LRP1B: variants seen among roughly 807,000 people sequenced by gnomAD.
The protein encoded by LRP1B is LDL receptor related protein 1B.
LRP1B carries 217 observed loss-of-function variants against 556.6 expected under a neutral mutation model. The ratio of observed to expected loss-of-function variants is 0.39; its 90% CI spans 0.35 to 0.44. The LOEUF (loss-of-function observed/expected upper bound fraction) is 0.44. Among genes scored for constraint, LRP1B ranks in the 20% least tolerant of loss-of-function variants. The pLI, the probability that LRP1B is intolerant of heterozygous loss-of-function variation, is 1.00. For missense variants in LRP1B, 5,053 were observed against 5,620.8 expected (o/e 0.90, Z 3.23); for synonymous variants, 2,047 against 1,865.8 (o/e 1.10, Z -2.50).
chr2:141,949,711 T>C (rs1022864738), intron 1 of LRP1B, among the ~76,000 whole-genome samples: 1 of 152,104 alleles, frequency 6.6e-6, no homozygotes, highest in Admixed American at 6.6e-5. Context: ...TTAAAGAACA[T>C]CTCTTACATA....
chr2:140,393,999 C>T (rs1159567460), intron 66 of LRP1B, among the ~76,000 whole-genome samples: 3 of 152,116 alleles, frequency 2.0e-5, no homozygotes, highest in African/African-American at 7.2e-5. Flanking sequence ...AATAACTATA[C>T]ATGCTGTTTT....
chr2:140,748,773 AAT>A (rs1176077541), intron 35 of LRP1B, among the ~76,000 whole-genome samples: 1 of 40,846 alleles, frequency 2.4e-5, no homozygotes, highest in Non-Finnish European at 4.7e-5. Flanking sequence ...ACATGTATAT[AAT>A]ATGTATATAA....
chr2:140,680,359 C>T (rs575284750), intron 41 of LRP1B, among the ~76,000 whole-genome samples: 81 of 151,800 alleles, frequency 5.3e-4, no homozygotes, highest in African/African-American at 1.6e-3. Flanking sequence ...AATAAGCTCC[C>T]TTTTTTCCCA....
At chr2:141,578,738 C>T (rs1303215603) in intron 2 of LRP1B, among the ~76,000 whole-genome samples, 2 of 152,128 alleles carry the variant, frequency 1.3e-5, no homozygotes. Flanking sequence ...ACCAAGTGTA[C>T]GCTGCCTGAA....
At chr2:142,080,977 G>A (rs1302187207) in intron 1 of LRP1B, among the ~76,000 whole-genome samples, 2 of 152,158 alleles carry the variant, frequency 1.3e-5, no homozygotes, top group Non-Finnish European at 2.9e-5. Context: ...ATGGAAGAAA[G>A]AAGGATTGAT....
At chr2:140,516,334 CAT>C (rs1689896440) in intron 50 of LRP1B, among the ~76,000 whole-genome samples, 1 of 151,758 alleles carries the variant, frequency 6.6e-6, no homozygotes, top group Admixed American at 6.6e-5. Flanking sequence ...CAATAATTAA[CAT>C]AATATTTACA....
chr2:141,484,755 C>T (rs1683057036), intron 2 of LRP1B, among the ~76,000 whole-genome samples: 1 of 151,950 alleles, frequency 6.6e-6, no homozygotes. Context: ...CATGATTTGG[C>T]TCTCTGTTTG....
At chr2:141,007,321 G>A (rs964429741) in intron 14 of LRP1B, among the ~76,000 whole-genome samples, 7 of 151,670 alleles carry the variant, frequency 4.6e-5, no homozygotes, top group Non-Finnish European at 5.9e-5. Context: ...TTGAGTGCCC[G>A]TAGATCAGAA....
rs897739115 is a variant in LRP1B, at chr2:140,821,823, A to T, written c.5210-8017T>A. Among the ~76,000 whole-genome samples, 5 of 152,182 alleles carry T rather than the reference A, an allele frequency of 3.3e-5. No homozygotes were observed. In the East Asian group the frequency reaches 9.7e-4, roughly 30 times the overall value. On this transcript the variant is annotated intron_variant, in intron 31 of 90. Coordinates refer to ENST00000389484, the MANE Select transcript of LRP1B (RefSeq NM_018557.3). The stretch of plus-strand genomic sequence containing the variant: ...GCTGAGGCGGGTAGATCACGAGGTC[A>T]GGAGTTCAAGACCAGCCTGGCCAAT...
intron 7 of LRP1B, among the ~76,000 whole-genome samples, chr2:141,147,689 A>C (rs575908006): frequency 2.2e-4 from 34 of 152,312 alleles, no homozygotes; most frequent in African/African-American, 7.7e-4. Flanking sequence ...GCACATTTTT[A>C]TAGCCTGCTA....
chr2:141,188,375 T>A (rs1343073444), intron 7 of LRP1B, 46 bp downstream of exon 7: 1 of 1,573,088 alleles, frequency 6.4e-7, no homozygotes. Context: ...TCTTTTCTTT[T>A]TAAACGCAAA....
intron 21 of LRP1B, among the ~76,000 whole-genome samples, chr2:140,913,483 G>A (rs540965726): frequency 2.6e-5 from 4 of 151,972 alleles, no homozygotes; most frequent in South Asian, 2.1e-4. Flanking sequence ...AAAATTTTAC[G>A]TAAGGAAAAA....
intron 1 of LRP1B, among the ~76,000 whole-genome samples, chr2:141,922,211 T>C (rs867903451): frequency 6.6e-6 from 1 of 152,192 alleles, no homozygotes; most frequent in African/African-American, 2.4e-5. Context: ...AGATTTATTA[T>C]ATAACCTGGC....
intron 1 of LRP1B, among the ~76,000 whole-genome samples, chr2:142,065,408 T>G (rs1705075304): frequency 6.6e-6 from 1 of 151,096 alleles, no homozygotes; most frequent in Non-Finnish European, 1.5e-5. Flanking sequence ...AATGGCTAAT[T>G]GATGCCTTCC....
intron 3 of LRP1B, among the ~76,000 whole-genome samples, chr2:141,394,521 C>T (rs1161817460): frequency 6.6e-6 from 1 of 152,048 alleles, no homozygotes; most frequent in African/African-American, 2.4e-5. Flanking sequence ...GCATCCATTT[C>T]CCTTTGCATA....
intron 41 of LRP1B, among the ~76,000 whole-genome samples, chr2:140,690,354 C>A (rs1236529443): frequency 6.6e-6 from 1 of 151,864 alleles, no homozygotes; most frequent in African/African-American, 2.4e-5. Context: ...CCGGGTCTAA[C>A]CTCTTCTTCG....
chr2:141,893,030 T>C (rs1699338588), intron 1 of LRP1B, among the ~76,000 whole-genome samples: 1 of 152,226 alleles, frequency 6.6e-6, no homozygotes, highest in Non-Finnish European at 1.5e-5. Context: ...TTGAAAATAC[T>C]GTACTGGACA....
At chr2:140,956,551 T>C (rs555261942) in intron 18 of LRP1B, among the ~76,000 whole-genome samples, 24 of 151,506 alleles carry the variant, frequency 1.6e-4, no homozygotes, top group African/African-American at 5.8e-4. Flanking sequence ...AGAAAATACA[T>C]TACATTTCTA....
chr2:140,562,005 G>C (rs570472232), intron 43 of LRP1B, among the ~76,000 whole-genome samples: 42 of 152,028 alleles, frequency 2.8e-4, no homozygotes, highest in African/African-American at 1.0e-3. Context: ...AACAGATAAA[G>C]AAAAAGCATT....
Sources: allele counts gnomAD v4.1 joint callset (sites outside exome capture counted in the v4.1 genomes callset), GRCh38; gene constraint gnomAD v4.1.1; transcripts MANE v1.5; gene names NCBI Gene and HGNC (gene_info 2026-07-23, HGNC 2026-07-21).